The following KIAA0319L variants were observed in gnomAD, a reference collection of about 807,000 sequenced individuals.
The protein encoded by KIAA0319L is KIAA0319 like.
KIAA0319L carries 55 observed loss-of-function variants against 120.1 expected under a neutral mutation model. The observed-to-expected ratio is 0.46, with a 90% CI of 0.37 to 0.57. The LOEUF is 0.57. Ranked by LOEUF, KIAA0319L falls within the 20% of genes least tolerant of loss-of-function variation. KIAA0319L has a pLI of 0.00. For synonymous variants in KIAA0319L, 398 were observed against 471.9 expected (o/e 0.84, Z 2.03); for missense variants, 1,049 against 1,255.3 (o/e 0.84, Z 2.48).
chr1:35,458,522 A>G (rs1200816631), intron 9 of KIAA0319L, among the ~76,000 whole-genome samples: 1 of 152,136 alleles, frequency 6.6e-6, no homozygotes, highest in Non-Finnish European at 1.5e-5. Context: ...AGGAAAAAAA[A>G]ATCACTCTCA....
intron 9 of KIAA0319L, among the ~76,000 whole-genome samples, chr1:35,457,084 A>G (rs545115864): frequency 2.0e-5 from 3 of 152,242 alleles, no homozygotes; most frequent in South Asian, 4.1e-4. Context: ...TGAGGTCTCT[A>G]TAAGAATTGT....
rs375652027 is a variant in KIAA0319L, at chr1:35,453,593, T to C, written c.1877A>G (p.Asp626Gly). 74 of 1,613,984 alleles carry C rather than the reference T, an allele frequency of 4.6e-5. No homozygotes were observed. The highest frequency in any genetic ancestry group is 6.3e-5 in the Non-Finnish European group (74 of 1,180,000). ...CCAGAGATATGAGATAATTTTCTGA[T>C]CATCTGAGCTCTTGCTGCCATCCAG... ...TTLDGSKSSD[D>G]QKIISYLWEK... The change falls in exon 12 of 21, where the codon GAT (aspartate) becomes GGT (glycine). Residue 626 changes from aspartate to glycine, a missense_variant. By Grantham distance (94) the Asp-to-Gly change is moderately conservative. Coordinates refer to ENST00000325722, the MANE Select transcript of KIAA0319L (RefSeq NM_024874.5). The surrounding 1 kb of genome is among the most constrained non-coding windows in gnomAD (Gnocchi z 4.1).
intron 18 of KIAA0319L, 55 bp downstream of exon 18, chr1:35,442,851 G>A (rs1641326770): frequency 1.2e-6 from 2 of 1,611,636 alleles, no homozygotes; most frequent in East Asian, 2.2e-5. Flanking sequence ...CCCACTCAGT[G>A]CAGAACCACA....
At chr1:35,547,168 T>C (rs1647014832) in intron 2 of KIAA0319L, among the ~76,000 whole-genome samples, 1 of 146,598 alleles carries the variant, frequency 6.8e-6, no homozygotes, top group African/African-American at 2.5e-5. Flanking sequence ...TAATTACATA[T>C]AATTATACAT....
chr1:35,454,482 C>A lies in KIAA0319L; in HGVS notation c.1660G>T (p.Val554Phe). 1 of 1,614,068 alleles carries A rather than the reference C, an allele frequency of 6.2e-7. No homozygotes were observed. Among genetic ancestry groups the A allele is most frequent in the Non-Finnish European group, 8.5e-7 (1 of 1,179,942 alleles). ...SKGKVVEMQG[V>F]RTPTLQLSAM... ...GAGAGCTGTAAGGTTGGTGTTCTAA[C>A]ACCCTACAAATACAAATACAGAAGT... The change falls in exon 11 of 21, where the codon GTT (valine) becomes TTT (phenylalanine). Residue 554 changes from valine (V) to phenylalanine (F), a missense_variant. Transcript: ENST00000325722.
At chr1:35,545,755 C>T (rs1482402348) in intron 2 of KIAA0319L, among the ~76,000 whole-genome samples, 1 of 151,920 alleles carries the variant, frequency 6.6e-6, no homozygotes, top group Non-Finnish European at 1.5e-5. Context: ...ATTAGCCGGG[C>T]GTGGTGGCAG....
At chr1:35,479,966 A>AC (rs574292690) in intron 3 of KIAA0319L, among the ~76,000 whole-genome samples, 5,500 of 130,830 alleles carry the variant, frequency 0.042, 374 homozygotes, top group African/African-American at 0.15. Context: ...AAAAAAAAAA[A>AC]AAAAAACACA....
intron 3 of KIAA0319L, among the ~76,000 whole-genome samples, chr1:35,495,656 T>G (rs1644774335): frequency 6.6e-6 from 1 of 151,880 alleles, no homozygotes; most frequent in South Asian, 2.1e-4. Context: ...TTTGTTTGTT[T>G]GTTGTTGTTT....
chr1:35,503,478 G>A (rs749798906), intron 3 of KIAA0319L, among the ~76,000 whole-genome samples: 142 of 152,214 alleles, frequency 9.3e-4, no homozygotes, highest in Non-Finnish European at 1.9e-3. Flanking sequence ...GTTGGGGCCC[G>A]GCAATCTTTT....
chr1:35,473,455 AC>A (rs1446572112), intron 5 of KIAA0319L, among the ~76,000 whole-genome samples: 1 of 152,156 alleles, frequency 6.6e-6, no homozygotes, highest in African/African-American at 2.4e-5. Context: ...AATGATAGTA[AC>A]CCACAGAAAG....
At position 35,437,520 on chromosome 1, in the gene KIAA0319L, C is replaced by T. The variant is rs1640885782; in HGVS notation, c.2963-2439G>A. Reference sequence around the variant, plus strand: ...AAAAGGATTTTTAAATATTCAGGGCCTTCATCTCCTCACTGCGCTTTCTAA... The same window carrying T: ...AAAAGGATTTTTAAATATTCAGGGCTTTCATCTCCTCACTGCGCTTTCTAA... On this transcript the variant is annotated intron_variant, in intron 20 of 20. Coordinates refer to ENST00000325722, the MANE Select transcript of KIAA0319L (RefSeq NM_024874.5). The surrounding 1 kb of genome is among the most constrained non-coding windows in gnomAD (Gnocchi z 4.1). Among the ~76,000 whole-genome samples the T allele has an allele frequency of 6.6e-6, 1 of 151,906 alleles. No homozygotes were observed. Among genetic ancestry groups the T allele is most frequent in the Non-Finnish European group, 1.5e-5 (1 of 67,964 alleles).
chr1:35,526,388 C>CATATATATATAT (rs60847372), intron 2 of KIAA0319L, among the ~76,000 whole-genome samples: 1 of 127,138 alleles, frequency 7.9e-6, no homozygotes, highest in African/African-American at 2.8e-5. Context: ...TATATACATA[C>CATATATATATAT]ATATATATAT....
rs769040605 is a variant in KIAA0319L, at chr1:35,506,703, G to A, written c.575C>T (p.Pro192Leu). ...CACTATAGGTGTAACTACGTCACTG[G>A]GACTACCTCTCTTCTGAAGCTTCCT... ...LIRKLQKRGS[P>L]SDVVTPIVTQ... Residue 192 changes from proline (P) to leucine (L), a missense_variant, in exon 3 of 21, where the codon CCC becomes CTC. By Grantham distance (98) the Pro-to-Leu change is moderately conservative. Coordinates refer to ENST00000325722, the MANE Select transcript of KIAA0319L (RefSeq NM_024874.5). This position sits in a 1 kb window ranked among gnomAD's most constrained non-coding sequence, Gnocchi z 4.0. 6.2e-7 allele frequency: 1 copy of A among 1,614,100 alleles called. No homozygotes were observed. Among genetic ancestry groups the A allele is most frequent in the Admixed American group, 1.7e-5 (1 of 60,016 alleles).
chr1:35,437,193 G>A lies in KIAA0319L; in HGVS notation c.2963-2112C>T, dbSNP rs768498869. On this transcript the variant is annotated intron_variant, in intron 20 of 20. Coordinates refer to ENST00000325722, the MANE Select transcript of KIAA0319L (RefSeq NM_024874.5). The surrounding 1 kb of genome is among the most constrained non-coding windows in gnomAD (Gnocchi z 4.1). ...CTCCCCTCTCCCTAAGATGTCCGAT[G>A]TGCTGAGCTCAGGCTCCCATCCAAT... Among the ~76,000 whole-genome samples the A allele has an allele frequency of 2.0e-5, 3 of 152,192 alleles. No homozygotes were observed. The highest frequency in any genetic ancestry group is 4.8e-5 in the African/African-American group (2 of 41,448).
intron 2 of KIAA0319L, among the ~76,000 whole-genome samples, chr1:35,513,043 C>T (rs1250841180): frequency 2.0e-5 from 3 of 151,120 alleles, no homozygotes; most frequent in Non-Finnish European, 4.4e-5. Context: ...CTTTGCTCTA[C>T]CATGGCAGAG....
At chr1:35,441,932 T>G (rs1570608297) in intron 19 of KIAA0319L, among the ~76,000 whole-genome samples, 1 of 152,074 alleles carries the variant, frequency 6.6e-6, no homozygotes, top group African/African-American at 2.4e-5. Context: ...AAAACACACC[T>G]TACAGATGTG....
At chr1:35,462,536 C>G (rs185444321) in intron 8 of KIAA0319L, 85 bp downstream of exon 8, 4 of 1,126,460 alleles carry the variant, frequency 3.6e-6, no homozygotes, top group East Asian at 2.4e-5. Context: ...GCAGACACAG[C>G]TGGCCCCAAA....
intron 6 of KIAA0319L, among the ~76,000 whole-genome samples, chr1:35,469,663 C>T (rs191259282): frequency 4.0e-5 from 6 of 151,884 alleles, no homozygotes; most frequent in Admixed American, 3.9e-4. Flanking sequence ...TCTACCTTTC[C>T]AAGGCTTCAT....
At chr1:35,531,591 G>A (rs1193500827) in intron 2 of KIAA0319L, among the ~76,000 whole-genome samples, 1 of 152,154 alleles carries the variant, frequency 6.6e-6, no homozygotes, top group East Asian at 1.9e-4. Context: ...CCAGTATCAG[G>A]GCCCACAAGG....
Sources: gnomAD v4.1 joint callset for allele counts (sites outside exome capture counted in the v4.1 genomes callset) on GRCh38, gnomAD v4.1.1 for gene constraint, Gnocchi (gnomAD v3.1) non-coding constraint, MANE v1.5 for transcripts, NCBI Gene and HGNC (gene_info 2026-07-23, HGNC 2026-07-21) for gene names.